MAPK10: variants seen among roughly 807,000 people sequenced by gnomAD.
MAPK10 encodes mitogen-activated protein kinase 10.
A neutral mutation model predicts 59.3 loss-of-function variants in MAPK10; 25 were observed. The observed-to-expected ratio is 0.42, with a 90% confidence interval of 0.31 to 0.59. MAPK10 has a LOEUF of 0.59. Ranked by LOEUF, MAPK10 falls within the 20% of genes least tolerant of loss-of-function variation. The pLI is 0.15. For synonymous variants in MAPK10, 190 were observed against 200.5 expected (o/e 0.95, Z 0.44); for missense variants, 351 against 568.9 (o/e 0.62, Z 3.90).
chr4:86,324,667 A>G (rs2148899650), intron 2 of MAPK10, among the ~76,000 whole-genome samples: 1 of 152,310 alleles, frequency 6.6e-6, no homozygotes, highest in Non-Finnish European at 1.5e-5. Flanking sequence ...CTATCTCTAT[A>G]AACCTGAGAA....
intron 3 of MAPK10, among the ~76,000 whole-genome samples, chr4:86,163,146 T>G (rs1158733669): frequency 2.6e-5 from 4 of 152,114 alleles, no homozygotes; most frequent in Non-Finnish European, 5.9e-5. Context: ...AATTACTAGT[T>G]TAAGCGGTAA....
Position 86,063,640 on chromosome 4 carries a change from A to T in MAPK10, c.1110+626T>A, listed in dbSNP as rs138162831. ...GAAAGAAAGAGGTTGAACAGAAGATAGTAAATGGTTGAAAAATATTTTTAA... is the reference window on the plus strand; with the variant it reads ...GAAAGAAAGAGGTTGAACAGAAGATTGTAAATGGTTGAAAAATATTTTTAA... On this transcript the variant is annotated intron_variant, in intron 11 of 13. Transcript: ENST00000641462. 2.6e-3 allele frequency among the ~76,000 whole-genome samples: 395 copies of T among 152,302 alleles called. 3 individuals are homozygous for T. The highest frequency in any genetic ancestry group is 0.014 in the Middle Eastern group (4 of 294).
intron 9 of MAPK10, among the ~76,000 whole-genome samples, chr4:86,094,964 G>A (rs1179812895): frequency 1.3e-5 from 2 of 151,780 alleles, no homozygotes; most frequent in Non-Finnish European, 3.0e-5. Context: ...ACTACATTAT[G>A]TAAAAATATA....
intron 1 of MAPK10, among the ~76,000 whole-genome samples, chr4:86,466,046 T>C (rs1169205453): frequency 6.6e-6 from 1 of 152,230 alleles, no homozygotes; most frequent in African/African-American, 2.4e-5. Context: ...TATTTATCAA[T>C]CTTGGCTGGC....
intron 11 of MAPK10, among the ~76,000 whole-genome samples, chr4:86,041,164 C>T (rs946219733): frequency 8.5e-5 from 13 of 152,184 alleles, no homozygotes; most frequent in African/African-American, 3.1e-4. Flanking sequence ...ACAATAGCTA[C>T]AATAATGTGT....
chr4:86,069,796 A>C (rs1474699827), intron 9 of MAPK10, among the ~76,000 whole-genome samples: 1 of 152,130 alleles, frequency 6.6e-6, no homozygotes, highest in Non-Finnish European at 1.5e-5. Context: ...TCTGTAAATA[A>C]GTCATTTAAC....
intron 1 of MAPK10, among the ~76,000 whole-genome samples, chr4:86,396,850 C>T (rs970170045): frequency 6.6e-6 from 1 of 152,134 alleles, no homozygotes; most frequent in Admixed American, 6.5e-5. Context: ...ACCGTCAACA[C>T]GGGAATAACA....
At chr4:86,185,838 G>C (rs567616842) in intron 3 of MAPK10, among the ~76,000 whole-genome samples, 15 of 152,266 alleles carry the variant, frequency 9.9e-5, no homozygotes, top group African/African-American at 3.4e-4. Context: ...AACTGGAGTA[G>C]ACAATGGGAA....
chr4:86,582,205 T>A lies in MAPK10; in HGVS notation c.-263+11705A>T, dbSNP rs745656363. On this transcript the variant is annotated intron_variant, in intron 1 of 4. Coordinates refer to the MAPK10 transcript ENST00000502302. ...AACAGAAAAAGTAAGCCAAATGTAA[T>A]CTCTAACTCTTTCAAAATTAAAAAT... is the stretch of plus-strand genomic sequence containing the variant. Among the ~76,000 whole-genome samples, 131 of 151,932 alleles carry A rather than the reference T, an allele frequency of 8.6e-4. 1 individual carries two copies. Among genetic ancestry groups the A allele is most frequent in the Non-Finnish European group, 2.5e-4 (17 of 67,942 alleles).
intron 1 of MAPK10, among the ~76,000 whole-genome samples, chr4:86,371,146 T>C (rs901205230): frequency 6.6e-6 from 1 of 152,216 alleles, no homozygotes; most frequent in African/African-American, 2.4e-5. Context: ...GCTTTTTGAG[T>C]CATTTAACAA....
At chr4:86,195,250 T>G (rs1416226904) in intron 2 of MAPK10, among the ~76,000 whole-genome samples, 1 of 152,198 alleles carries the variant, frequency 6.6e-6, no homozygotes, top group African/African-American at 2.4e-5. Context: ...CTTTGTTGAA[T>G]GCTGATTGTG....
At chr4:86,310,557 G>A (rs1241362256) in intron 2 of MAPK10, among the ~76,000 whole-genome samples, 1 of 152,118 alleles carries the variant, frequency 6.6e-6, no homozygotes, top group Non-Finnish European at 1.5e-5. Context: ...TTTACCACAA[G>A]TAACTTTCTT....
Position 86,429,424 on chromosome 4 carries a change from GAGA to G in MAPK10, c.-122+23603_-122+23605del, listed in dbSNP as rs1747738294. Among the ~76,000 whole-genome samples, 4 of 152,224 alleles carry G rather than the reference GAGA, an allele frequency of 2.6e-5. No homozygotes were observed. The South Asian group carries it at 8.3e-4, about 32-fold the overall frequency. On this transcript the variant is annotated intron_variant, in intron 1 of 13. Transcript: ENST00000361569. ...TATTATTAAAAAAGATTACTGAGCA[GAGA>G]AGCACAGAGATATCTTTTCTGTTTA...
chr4:86,272,507 G>A (rs929742988), intron 2 of MAPK10, among the ~76,000 whole-genome samples: 1 of 151,806 alleles, frequency 6.6e-6, no homozygotes, highest in Non-Finnish European at 1.5e-5. Flanking sequence ...TAAAGTAGAG[G>A]TTAAGGTTTT....
At chr4:86,386,644 G>A (rs2149005428) in intron 1 of MAPK10, among the ~76,000 whole-genome samples, 1 of 152,028 alleles carries the variant, frequency 6.6e-6, no homozygotes, top group South Asian at 2.1e-4. Context: ...CTATTTACTG[G>A]CCCCCTTGAA....
chr4:86,269,762 TAA>T (rs2094372998), intron 2 of MAPK10, among the ~76,000 whole-genome samples: 1 of 152,136 alleles, frequency 6.6e-6, no homozygotes, highest in Admixed American at 6.6e-5. Context: ...AGAAAGCAAT[TAA>T]ACCTCATCCT....
intron 1 of MAPK10, among the ~76,000 whole-genome samples, chr4:86,545,970 G>C (rs1216206894): frequency 6.6e-6 from 1 of 152,236 alleles, no homozygotes; most frequent in African/African-American, 2.4e-5. Flanking sequence ...ATTACTAAGG[G>C]CCAGGTGCGG....
intron 11 of MAPK10, chr4:86,031,632 G>C (rs2039041611): frequency 2.0e-6 from 1 of 493,778 alleles, no homozygotes; most frequent in African/African-American, 2.0e-5. Context: ...ATTTGCTGCT[G>C]ACCCAATATT....
intron 2 of MAPK10, among the ~76,000 whole-genome samples, chr4:86,222,064 T>TG (rs1445820898): frequency 6.6e-6 from 1 of 152,176 alleles, no homozygotes; most frequent in African/African-American, 2.4e-5. Flanking sequence ...ATGTAAGACA[T>TG]GCCAGCTTCC....
Sources: allele counts gnomAD v4.1 joint callset (sites outside exome capture counted in the v4.1 genomes callset), GRCh38; gene constraint gnomAD v4.1.1; transcripts MANE v1.5; gene names NCBI Gene and HGNC (gene_info 2026-07-23, HGNC 2026-07-21).